The following SV2C variants were observed in gnomAD, a reference collection of about 807,000 sequenced individuals.
SV2C encodes the protein solute carrier family 22 member B3.
Under a neutral mutation model 79.7 loss-of-function variants are expected in SV2C, and 49 were observed. The ratio of observed to expected loss-of-function variants is 0.61; its 90% CI spans 0.49 to 0.78. The LOEUF (loss-of-function observed/expected upper bound fraction) is 0.78. Ranked by LOEUF, SV2C falls within the 30% of genes least tolerant of loss-of-function variation. The pLI, the probability that SV2C is intolerant of heterozygous loss-of-function variation, is 0.00. For synonymous variants in SV2C, 334 were observed against 333.2 expected (o/e 1.00, Z -0.03); for missense variants, 833 against 912.9 (o/e 0.91, Z 1.13).
At chr5:76,309,763 A>G (rs1031773549) in intron 12 of SV2C, among the ~76,000 whole-genome samples, 1 of 149,822 alleles carries the variant, frequency 6.7e-6, no homozygotes, top group Non-Finnish European at 1.5e-5. Flanking sequence ...TTGTCAAAGA[A>G]AGATGATTCC....
At chr5:76,122,844 G>A (rs538916289) in intron 1 of SV2C, among the ~76,000 whole-genome samples, 54 of 152,146 alleles carry the variant, frequency 3.5e-4, no homozygotes, top group African/African-American at 1.3e-3. Flanking sequence ...ACATTCAAAA[G>A]CTAGCAGAAG....
chr5:76,035,477 A>G, the SV2C span, among the ~76,000 whole-genome samples: 1 of 152,072 alleles, frequency 6.6e-6, no homozygotes, highest in African/African-American at 2.4e-5. Flanking sequence ...TTCAAAGAAC[A>G]TCTTTATTTC....
the SV2C span, among the ~76,000 whole-genome samples, chr5:75,980,224 A>G: frequency 6.6e-6 from 1 of 152,174 alleles, no homozygotes; most frequent in African/African-American, 2.4e-5. Context: ...GCAGTAATTA[A>G]TAGCCTACCA....
the SV2C span, among the ~76,000 whole-genome samples, chr5:76,009,133 G>T: frequency 4.6e-5 from 7 of 152,032 alleles, no homozygotes; most frequent in African/African-American, 1.7e-4. Flanking sequence ...AGACTTATTA[G>T]CTTCTTGGCC....
chr5:76,119,708 AAAAAAAC>A (rs1158985696), intron 1 of SV2C, among the ~76,000 whole-genome samples: 12 of 152,116 alleles, frequency 7.9e-5, no homozygotes, highest in South Asian at 2.1e-4. Context: ...CTATAGGGAA[AAAAAAAC>A]AAAAAACAAA....
intron 12 of SV2C, among the ~76,000 whole-genome samples, chr5:76,349,669 A>ATTT (rs34691117): frequency 1.4e-4 from 19 of 137,494 alleles, no homozygotes; most frequent in South Asian, 4.7e-4. Flanking sequence ...TTTAGCCTTC[A>ATTT]TTTTTTTTTT....
chr5:75,897,098 T>G, the SV2C span, among the ~76,000 whole-genome samples: 2 of 148,882 alleles, frequency 1.3e-5, no homozygotes, highest in South Asian at 4.2e-4. Context: ...CAATTTTGTC[T>G]TTTGTTGCCA....
the SV2C span, among the ~76,000 whole-genome samples, chr5:75,931,246 A>T: frequency 6.6e-6 from 1 of 152,238 alleles, no homozygotes. Context: ...TTTCCTCCAC[A>T]TCTAACCATT....
chr5:76,309,067 G>A (rs1217261797), intron 12 of SV2C, among the ~76,000 whole-genome samples: 1 of 152,022 alleles, frequency 6.6e-6, no homozygotes, highest in East Asian at 1.9e-4. Context: ...TCTAGTAGGT[G>A]ATAACCAGTC....
the SV2C span, among the ~76,000 whole-genome samples, chr5:75,865,787 C>G: frequency 6.6e-6 from 1 of 152,128 alleles, no homozygotes; most frequent in Admixed American, 6.5e-5. Flanking sequence ...ACGTTAATGC[C>G]CCGTAGAAAG....
In SV2C at chr5:76,319,216, C is replaced by G. The variant is rs114050577; in HGVS notation, c.2001-6148C>G. Reference sequence around the variant, plus strand: ...AATTGGGCCCAGCAGTTCAAGAACACCCTGGGCAACATGGTGAAACCTGCA... The same window carrying G: ...AATTGGGCCCAGCAGTTCAAGAACAGCCTGGGCAACATGGTGAAACCTGCA... On this transcript the variant is annotated intron_variant, in intron 12 of 12. Coordinates refer to ENST00000502798, the MANE Select transcript of SV2C (RefSeq NM_014979.4). 8.2e-3 allele frequency among the ~76,000 whole-genome samples: 1,241 copies of G among 151,208 alleles called. 12 individuals carry two copies. Among genetic ancestry groups the G allele is most frequent in the African/African-American group, 0.025 (1,008 of 41,086 alleles).
intron 4 of SV2C, among the ~76,000 whole-genome samples, chr5:76,215,831 T>C (rs1231391725): frequency 6.6e-6 from 1 of 152,066 alleles, no homozygotes; most frequent in African/African-American, 2.4e-5. Flanking sequence ...ACATTGCAAG[T>C]GTATTTCAAA....
At chr5:76,321,549 G>A (rs116030011) in intron 12 of SV2C, among the ~76,000 whole-genome samples, 3,669 of 152,048 alleles carry the variant, frequency 0.024, 66 homozygotes, top group Non-Finnish European at 0.033. Context: ...AGACCATCCT[G>A]GGCAATATGA....
At chr5:76,102,735 C>T (rs756048598) in intron 1 of SV2C, among the ~76,000 whole-genome samples, 3 of 152,106 alleles carry the variant, frequency 2.0e-5, no homozygotes, top group African/African-American at 7.2e-5. Context: ...ATGTGAGAGC[C>T]TTATAAAGAC....
the SV2C span, among the ~76,000 whole-genome samples, chr5:76,060,876 G>A: frequency 6.6e-6 from 1 of 151,934 alleles, no homozygotes; most frequent in Admixed American, 6.6e-5. Context: ...CAAGTGAAAG[G>A]TGTGCAACTC....
rs143300233 is a variant in SV2C, at chr5:76,231,397, T to C, written c.913+21510T>C. ...ATTTATGAAAAGATCCAGGAGTTAA[T>C]GTACTGAGGCTTGCTGCAGCTCATG... On this transcript the variant is annotated intron_variant, in intron 4 of 12. Transcript: ENST00000502798. Among the ~76,000 whole-genome samples, 235 of 152,290 alleles carry C rather than the reference T, an allele frequency of 1.5e-3. 2 individuals are homozygous for C. The highest frequency in any genetic ancestry group is 0.012 in the East Asian group (64 of 5,192).
At chr5:76,045,645 T>G in the SV2C span, among the ~76,000 whole-genome samples, 1 of 152,242 alleles carries the variant, frequency 6.6e-6, no homozygotes, top group Non-Finnish European at 1.5e-5. Flanking sequence ...ATGCTGCTTT[T>G]GGGCTAAGAT....
rs574612614 is a variant in SV2C, at chr5:76,343,677, C to G, written c.2001-9453C>G. Among the ~76,000 whole-genome samples, 5 of 152,312 alleles carry G rather than the reference C, an allele frequency of 3.3e-5. 1 individual carries two copies. In the South Asian group the frequency reaches 1.0e-3, roughly 32 times the overall value. Reference sequence around the variant, plus strand: ...AAATACCTGCTAAAGCTGCATAATTCCTCTTGGTATACACTCAATAGAAAG... The same window carrying G: ...AAATACCTGCTAAAGCTGCATAATTGCTCTTGGTATACACTCAATAGAAAG... On this transcript the variant is annotated intron_variant, in intron 12 of 12. Coordinates refer to the SV2C transcript ENST00000322285.
intron 2 of SV2C, among the ~76,000 whole-genome samples, chr5:76,154,018 TTAG>T (rs1389531274): frequency 6.6e-6 from 1 of 152,210 alleles, no homozygotes; most frequent in Admixed American, 6.5e-5. Context: ...CAGTGACCTG[TTAG>T]TAGTCATGGA....
Sources: allele counts gnomAD v4.1 joint callset (sites outside exome capture counted in the v4.1 genomes callset), GRCh38; gene constraint gnomAD v4.1.1; transcripts MANE v1.5; gene names NCBI Gene and HGNC (gene_info 2026-07-23, HGNC 2026-07-21).